Variants in PLGRKT observed in about 807,000 individuals in gnomAD.
PLGRKT encodes plasminogen receptor (KT).
Under a neutral mutation model 18.5 loss-of-function variants are expected in PLGRKT, and 22 were observed. The ratio of observed to expected loss-of-function variants is 1.19; its 90% CI spans 0.85 to 1.70. PLGRKT has a LOEUF of 1.70. Among genes scored for constraint, PLGRKT ranks in the 40% most tolerant of loss-of-function variants. The pLI is 0.00. For synonymous variants in PLGRKT, 72 were observed against 52.8 expected, an observed-to-expected ratio of 1.36 and a Z score of -1.58; for missense variants, 235 against 174.4, an observed-to-expected ratio of 1.35 and a Z score of -1.96.
At chr9:5,383,265 G>A (rs1353843704) in intron 3 of PLGRKT, among the ~76,000 whole-genome samples, 1 of 152,138 alleles carries the variant, frequency 6.6e-6, no homozygotes, top group Non-Finnish European at 1.5e-5. Flanking sequence ...GACACACCTC[G>A]ATTCAGACTT....
chr9:5,380,361 T>C lies in PLGRKT; in HGVS notation c.82-18473A>G, dbSNP rs990934453. 7.1e-4 allele frequency among the ~76,000 whole-genome samples: 101 copies of C among 141,560 alleles called. 3 individuals are homozygous for C. Among genetic ancestry groups the C allele is most frequent in the Admixed American group, 3.5e-4 (5 of 14,202 alleles). 92.9% of individuals were successfully genotyped at this position (141,560 alleles called of 152,430 possible). ...CAGCCTCGGCCAAACAGCGAGACTC[T>C]GTCTCAATTAAAAAAAAAAAAAAAA... On this transcript the variant is annotated intron_variant, in intron 3 of 5. Transcript: ENST00000223864.
chr9:5,420,255 T>A (rs1420796784), intron 3 of PLGRKT, among the ~76,000 whole-genome samples: 3 of 152,006 alleles, frequency 2.0e-5, no homozygotes, highest in Non-Finnish European at 2.9e-5. Context: ...AGAGGAGGAG[T>A]TGGAAGTGAC....
intron 5 of PLGRKT, among the ~76,000 whole-genome samples, chr9:5,358,930 C>A (rs910243785): frequency 1.3e-5 from 2 of 152,138 alleles, no homozygotes; most frequent in Non-Finnish European, 2.9e-5. Flanking sequence ...TGACATTTGC[C>A]AGGTTTTATT....
At chr9:5,368,611 T>C (rs2131070321) in intron 3 of PLGRKT, among the ~76,000 whole-genome samples, 1 of 152,196 alleles carries the variant, frequency 6.6e-6, no homozygotes, top group South Asian at 2.1e-4. Context: ...AAGCAAGTGA[T>C]GAAAAACTAC....
chr9:5,361,143 G>C lies in PLGRKT; in HGVS notation c.257C>G (p.Pro86Arg), dbSNP rs72703655. Reference protein sequence around the residue: ...KKPAFLVPIVPLSFILTYQYD... With the variant: ...KKPAFLVPIVRLSFILTYQYD... ...CTGGTAGGTGAGGATAAAGCTTAAT[G>C]GAACAATCGGGACCAGGAAGGCTGG... The change falls in exon 5 of 6, where the codon CCA (proline) becomes CGA (arginine). Residue 86 changes from proline to arginine, a missense_variant. By Grantham distance (103) the Pro-to-Arg change is moderately radical. Transcript: ENST00000223864. The C allele has an allele frequency of 0.016, 26,237 of 1,610,066 alleles. 272 individuals are homozygous for C. Among genetic ancestry groups the C allele is most frequent in the Non-Finnish European group, 0.02 (23,236 of 1,176,678 alleles).
chr9:5,424,691 T>C (rs371514250), intron 3 of PLGRKT, among the ~76,000 whole-genome samples: 920 of 70,474 alleles, frequency 0.013, 38 homozygotes, highest in African/African-American at 0.025. Context: ...TATATATATA[T>C]ACACACAGGG....
At chr9:5,413,563 G>A (rs896979698) in intron 3 of PLGRKT, among the ~76,000 whole-genome samples, 1 of 152,164 alleles carries the variant, frequency 6.6e-6, no homozygotes, top group Non-Finnish European at 1.5e-5. Context: ...TAAATGTGGA[G>A]GAAGGGCCCA....
At chr9:5,385,291 CT>C (rs2131100629) in intron 3 of PLGRKT, among the ~76,000 whole-genome samples, 1 of 151,996 alleles carries the variant, frequency 6.6e-6, no homozygotes, top group Non-Finnish European at 1.5e-5. Flanking sequence ...GTTTGTTATT[CT>C]TGTGGCCTCT....
Position 5,418,680 on chromosome 9 carries a change from G to A in PLGRKT, c.81+13217C>T, listed in dbSNP as rs1225056859. On this transcript the variant is annotated intron_variant, in intron 3 of 5. Coordinates refer to ENST00000223864, the MANE Select transcript of PLGRKT (RefSeq NM_018465.4). The surrounding 1 kb of genome is among the most constrained non-coding windows in gnomAD (Gnocchi z 4.2). ...CCTTGGAGATGGGCAGGGGCAGCAT[G>A]TAGCACCCACTGCCGGGAAGTCTGA... 7.5e-6 allele frequency: 5 copies of A among 668,760 alleles called. No homozygotes were observed. In the East Asian group the frequency reaches 1.4e-4, roughly 19 times the overall value. 41.4% of individuals were successfully genotyped at this position (668,760 alleles called of 1,614,324 possible).
intron 3 of PLGRKT, among the ~76,000 whole-genome samples, chr9:5,366,512 T>G (rs949326890): frequency 1.3e-5 from 2 of 152,176 alleles, no homozygotes; most frequent in Non-Finnish European, 2.9e-5. Context: ...TATCTGATGC[T>G]AGTTTAACAA....
intron 3 of PLGRKT, among the ~76,000 whole-genome samples, chr9:5,399,420 C>T (rs866176427): frequency 2.4e-4 from 36 of 151,780 alleles, no homozygotes; most frequent in Admixed American, 1.1e-3. Flanking sequence ...CTTGTTCTTC[C>T]CTTTTATATG....
chr9:5,431,229 T>C (rs965192039), intron 3 of PLGRKT, among the ~76,000 whole-genome samples: 3 of 152,148 alleles, frequency 2.0e-5, no homozygotes, highest in African/African-American at 7.2e-5. Context: ...CTCTCATGCT[T>C]CCTTCTTTCT....
At chr9:5,372,449 C>T (rs1238771322) in intron 3 of PLGRKT, among the ~76,000 whole-genome samples, 2 of 152,082 alleles carry the variant, frequency 1.3e-5, no homozygotes, top group African/African-American at 2.4e-5. Context: ...TTGAACAGAA[C>T]AAGATTGATT....
chr9:5,401,890 C>T (rs1818162061), intron 3 of PLGRKT, among the ~76,000 whole-genome samples: 1 of 151,922 alleles, frequency 6.6e-6, no homozygotes, highest in Admixed American at 6.6e-5. Context: ...GTTGTAAAAT[C>T]CATGTAACGC....
At chr9:5,361,470 T>C (rs1461394730) in intron 4 of PLGRKT, among the ~76,000 whole-genome samples, 1 of 152,200 alleles carries the variant, frequency 6.6e-6, no homozygotes, top group African/African-American at 2.4e-5. Flanking sequence ...TATCTACCAC[T>C]AAGGGATTGT....
intron 3 of PLGRKT, among the ~76,000 whole-genome samples, chr9:5,394,105 G>A (rs377767182): frequency 2.0e-5 from 3 of 151,924 alleles, no homozygotes; most frequent in East Asian, 1.9e-4. Flanking sequence ...CTAAGGAACT[G>A]TAAACATGTT....
intron 3 of PLGRKT, chr9:5,381,943 T>A: frequency 8.1e-6 from 8 of 984,912 alleles, no homozygotes; most frequent in Non-Finnish European, 9.6e-6. Flanking sequence ...AGACAGGGCC[T>A]CCATGCCTGA....
intron 3 of PLGRKT, among the ~76,000 whole-genome samples, chr9:5,373,769 C>T (rs1817574589): frequency 6.6e-6 from 1 of 151,750 alleles, no homozygotes; most frequent in African/African-American, 2.4e-5. Context: ...TAGAGCAAGG[C>T]CCTGTTTCAA....
intron 3 of PLGRKT, among the ~76,000 whole-genome samples, chr9:5,397,511 T>C (rs777797207): frequency 1.3e-5 from 2 of 149,428 alleles, no homozygotes; most frequent in Non-Finnish European, 3.0e-5. Context: ...CAAATATTTG[T>C]TGAAAGAAGG....
Sources: gnomAD v4.1 joint callset for allele counts (sites outside exome capture counted in the v4.1 genomes callset) on GRCh38, gnomAD v4.1.1 for gene constraint, Gnocchi (gnomAD v3.1) non-coding constraint, MANE v1.5 for transcripts, NCBI Gene and HGNC (gene_info 2026-07-23, HGNC 2026-07-21) for gene names.